Variants in ZNF846 observed in about 807,000 individuals in gnomAD.
ZNF846 encodes zinc finger protein 420 pseudogene.
ZNF846 carries 15 observed loss-of-function variants against 16.0 expected under a neutral mutation model. The ratio of observed to expected loss-of-function variants is 0.94; its 90% CI spans 0.63 to 1.45. The LOEUF is 1.45. Ranked by LOEUF, ZNF846 falls within the 40% of genes most tolerant of loss-of-function variation. The probability of loss-of-function intolerance (pLI) is 0.00; values close to 1 mark genes in which losing one functional copy is unlikely to be tolerated. For missense variants in ZNF846, 714 were observed against 622.3 expected, an observed-to-expected ratio of 1.15 and a Z score of -1.57; for synonymous variants, 229 against 212.0, an observed-to-expected ratio of 1.08 and a Z score of -0.70.
downstream of ZNF846, among the ~76,000 whole-genome samples, chr19:9,752,663 C>CTT (rs528278558): frequency 5.1e-4 from 71 of 140,528 alleles, no homozygotes; most frequent in African/African-American, 9.4e-4. Context: ...AGTGATTTCC[C>CTT]TTTTTTTTTT....
At chr19:9,765,823 C>T (rs2045306482) in intron 1 of ZNF846, among the ~76,000 whole-genome samples, 1 of 145,874 alleles carries the variant, frequency 6.9e-6, no homozygotes, top group Admixed American at 7.0e-5. Flanking sequence ...AATCCTAACC[C>T]TTTGGGAGGT....
intron 2 of ZNF846, 182 bp from the exon 3 acceptor site, chr19:9,763,590 T>C (rs1160201278): frequency 2.2e-6 from 1 of 456,732 alleles, no homozygotes; most frequent in East Asian, 3.3e-5. Context: ...TCAGCATCAC[T>C]GAAACATGAC....
chr19:9,758,317 A>G (rs750655695), exon 6 of ZNF846: 1 of 1,613,464 alleles, frequency 6.2e-7, no homozygotes, highest in African/African-American at 1.3e-5. Context: ...TTACAGACAT[A>G]GGGCTTCTCT....
At chr19:9,770,033 C>T (rs1245540485), upstream of ZNF846, among the ~76,000 whole-genome samples, 1 of 151,330 alleles carries the variant, frequency 6.6e-6, no homozygotes, top group African/African-American at 2.4e-5. Flanking sequence ...CTCTGTGCCT[C>T]TGATACATTC....
chr19:9,764,570 G>A (rs544736503), intron 2 of ZNF846, among the ~76,000 whole-genome samples: 13 of 152,226 alleles, frequency 8.5e-5, no homozygotes, highest in African/African-American at 2.4e-4. Flanking sequence ...CCCTCACTAA[G>A]CTTAATAATA....
chr19:9,758,434 A>G, exon 6 of ZNF846: 1 of 1,613,032 alleles, frequency 6.2e-7, no homozygotes, highest in Non-Finnish European at 8.5e-7. Context: ...CTTATATGTA[A>G]CTTAAGGGAT....
intron 1 of ZNF846, among the ~76,000 whole-genome samples, chr19:9,776,138 C>T (rs2045438744): frequency 6.6e-6 from 1 of 152,176 alleles, no homozygotes; most frequent in South Asian, 2.1e-4. Context: ...CATGGTCTAG[C>T]GGTAGCGAAA....
downstream of ZNF846, among the ~76,000 whole-genome samples, chr19:9,748,937 A>G (rs952390162): frequency 6.6e-6 from 1 of 152,144 alleles, no homozygotes; most frequent in Non-Finnish European, 1.5e-5. Context: ...ATTCCCAGCC[A>G]TATGAAGACA....
intron 1 of ZNF846, among the ~76,000 whole-genome samples, chr19:9,780,299 G>C (rs910358663): frequency 5.3e-5 from 8 of 151,634 alleles, no homozygotes; most frequent in African/African-American, 1.9e-4. Context: ...CAACTCCCAG[G>C]CTCAAGTGAT....
chr19:9,748,903 C>G (rs1357134280), downstream of ZNF846, among the ~76,000 whole-genome samples: 1 of 152,154 alleles, frequency 6.6e-6, no homozygotes, highest in Non-Finnish European at 1.5e-5. Flanking sequence ...CACCAGCCTG[C>G]TAATCTTCTC....
downstream of ZNF846, among the ~76,000 whole-genome samples, chr19:9,754,563 T>TCAAGAAAA (rs776769152): frequency 1.2e-5 from 1 of 83,790 alleles, no homozygotes; most frequent in Non-Finnish European, 2.2e-5. Flanking sequence ...AGACTCTGTC[T>TCAAGAAAA]TAAAAAAAAA....
downstream of ZNF846, among the ~76,000 whole-genome samples, chr19:9,753,486 C>T (rs1002389547): frequency 2.7e-5 from 4 of 150,612 alleles, no homozygotes; most frequent in Non-Finnish European, 5.9e-5. Context: ...AATCTCCTGA[C>T]CTTGTGATCC....
upstream of ZNF846, chr19:9,768,618 C>T (rs970943292): frequency 7.9e-5 from 12 of 152,406 alleles, 1 homozygote; most frequent in Admixed American, 2.6e-4. Context: ...GGAGCGTCAC[C>T]CTCCGACCCT....
chr19:9,783,713 A>G (rs2045529354), intron 1 of ZNF846, among the ~76,000 whole-genome samples: 1 of 150,106 alleles, frequency 6.7e-6, no homozygotes, highest in Non-Finnish European at 1.5e-5. Context: ...AATTTCAGAC[A>G]GGGTCTTACT....
At chr19:9,771,717 A>C (rs1282418085), upstream of ZNF846, among the ~76,000 whole-genome samples, 3 of 151,094 alleles carry the variant, frequency 2.0e-5, no homozygotes, top group Non-Finnish European at 4.4e-5. Context: ...GACTGGTTCC[A>C]TATTTTTACA....
chr19:9,754,564 TAAAAAAAA>T (rs545236944), downstream of ZNF846, among the ~76,000 whole-genome samples: 1 of 88,708 alleles, frequency 1.1e-5, no homozygotes, highest in Non-Finnish European at 2.1e-5. Context: ...GACTCTGTCT[TAAAAAAAA>T]AAAAAAAAAA....
upstream of ZNF846, chr19:9,786,117 A>T (rs2045557721): frequency 6.6e-6 from 1 of 151,856 alleles, no homozygotes; most frequent in Admixed American, 6.6e-5. Context: ...CGTCCTCCGC[A>T]ACTCTGGGGA....
At chr19:9,772,286 G>GAT (rs1045138095), upstream of ZNF846, among the ~76,000 whole-genome samples, 5 of 151,948 alleles carry the variant, frequency 3.3e-5, no homozygotes, top group African/African-American at 1.2e-4. Flanking sequence ...CTTTTATGAA[G>GAT]AAAGTATAAC....
chr19:9,757,706 T>C (rs1166147488), exon 6 of ZNF846: 1 of 1,613,394 alleles, frequency 6.2e-7, no homozygotes, highest in South Asian at 1.1e-5. Context: ...GAGCAAATGC[T>C]TTACCGCATT....
Sources: gnomAD v4.1 joint callset for allele counts (sites outside exome capture counted in the v4.1 genomes callset) on GRCh38, gnomAD v4.1.1 for gene constraint, MANE v1.5 for transcripts, NCBI Gene and HGNC (gene_info 2026-07-23, HGNC 2026-07-21) for gene names.